Variants in PHF24 observed in about 807,000 individuals in gnomAD.
The protein encoded by PHF24 is Galpha inhibitory interacting protein.
Under a neutral mutation model 42.6 loss-of-function variants are expected in PHF24, and 25 were observed. The observed-to-expected ratio is 0.59, with a 90% CI of 0.43 to 0.82. The LOEUF is 0.82. PHF24 is among the 40% of genes least tolerant of loss of function. PHF24 has a pLI of 0.00. For synonymous variants in PHF24, 185 were observed against 204.8 expected, an observed-to-expected ratio of 0.90 and a Z score of 0.83; for missense variants, 470 against 538.1, an observed-to-expected ratio of 0.87 and a Z score of 1.25.
At chr9:34,728,805 A>G in the PHF24 span, among the ~76,000 whole-genome samples, 2 of 152,146 alleles carry the variant, frequency 1.3e-5, no homozygotes, top group Non-Finnish European at 2.9e-5. Context: ...TGCCTATTCC[A>G]CCTTTTTACC....
chr9:34,945,407 A>G, the PHF24 span, among the ~76,000 whole-genome samples: 1 of 152,242 alleles, frequency 6.6e-6, no homozygotes, highest in Non-Finnish European at 1.5e-5. Flanking sequence ...GAAGGCTGGG[A>G]GAGCTATCAG....
At chr9:34,724,442 A>C in the PHF24 span, 12 of 1,551,382 alleles carry the variant, frequency 7.7e-6, no homozygotes, top group Non-Finnish European at 9.6e-6. Context: ...TTGGTGGTTT[A>C]GACTTTCAAG....
chr9:34,707,130 G>T, the PHF24 span, among the ~76,000 whole-genome samples: 1 of 152,240 alleles, frequency 6.6e-6, no homozygotes, highest in Non-Finnish European at 1.5e-5. Flanking sequence ...TTCTGTCTGT[G>T]ATGGGGCAAG....
the PHF24 span, among the ~76,000 whole-genome samples, chr9:34,930,054 G>T: frequency 1.3e-5 from 2 of 152,014 alleles, no homozygotes; most frequent in African/African-American, 2.4e-5. Context: ...TACTATTTTG[G>T]GGCTTCTCTT....
chr9:34,850,493 A>G, the PHF24 span, among the ~76,000 whole-genome samples: 1 of 152,114 alleles, frequency 6.6e-6, no homozygotes, highest in East Asian at 1.9e-4. Context: ...TATTCTAGTT[A>G]TACATTTGTC....
the PHF24 span, among the ~76,000 whole-genome samples, chr9:34,767,143 G>T: frequency 8.2e-3 from 1,242 of 152,328 alleles, 9 homozygotes; most frequent in Non-Finnish European, 0.011. Context: ...GGCTGCTCGG[G>T]GGTCAGGGGT....
At chr9:34,832,751 T>C in the PHF24 span, 18 of 1,549,914 alleles carry the variant, frequency 1.2e-5, no homozygotes, top group African/African-American at 2.7e-5. Flanking sequence ...ATTGCAAAGT[T>C]TGGCCCTGCA....
At chr9:34,951,058 T>A in the PHF24 span, among the ~76,000 whole-genome samples, 1 of 152,264 alleles carries the variant, frequency 6.6e-6, no homozygotes, top group Non-Finnish European at 1.5e-5. Context: ...AACAATTATA[T>A]GCCTATTATA....
At chr9:34,952,838 C>G (rs1826295050), upstream of PHF24, among the ~76,000 whole-genome samples, 1 of 152,168 alleles carries the variant, frequency 6.6e-6, no homozygotes, top group African/African-American at 2.4e-5. Flanking sequence ...TCATGAACAA[C>G]TGATATCCAA....
the PHF24 span, among the ~76,000 whole-genome samples, chr9:34,733,495 C>CT: frequency 6.7e-6 from 1 of 149,130 alleles, no homozygotes; most frequent in African/African-American, 2.5e-5. Flanking sequence ...TTTATGGCTT[C>CT]TGTGGGTCTT....
At chr9:34,738,674 TGG>T in the PHF24 span, among the ~76,000 whole-genome samples, 1 of 152,296 alleles carries the variant, frequency 6.6e-6, no homozygotes, top group Non-Finnish European at 1.5e-5. Context: ...AGGATGGACA[TGG>T]GACCCAGTTC....
At chr9:34,740,231 G>A in the PHF24 span, among the ~76,000 whole-genome samples, 1 of 152,220 alleles carries the variant, frequency 6.6e-6, no homozygotes, top group Admixed American at 6.5e-5. Flanking sequence ...CCGGCCGTGC[G>A]CCCGCACTCC....
the PHF24 span, among the ~76,000 whole-genome samples, chr9:34,757,911 A>G: frequency 6.6e-6 from 1 of 152,076 alleles, no homozygotes; most frequent in Admixed American, 6.5e-5. Context: ...TTAGGAGAAC[A>G]TGTGTGGTTG....
chr9:34,939,982 C>T, the PHF24 span, among the ~76,000 whole-genome samples: 1 of 152,150 alleles, frequency 6.6e-6, no homozygotes, highest in African/African-American at 2.4e-5. Context: ...TTCCAGCTCC[C>T]TTTCTAGCCT....
At chr9:34,894,403 G>T in the PHF24 span, 1 of 398,506 alleles carries the variant, frequency 2.5e-6, no homozygotes, top group Non-Finnish European at 4.4e-6. Flanking sequence ...TCACAGACCA[G>T]ACTAGCAGCT....
At chr9:34,861,073 T>C in the PHF24 span, among the ~76,000 whole-genome samples, 1 of 152,104 alleles carries the variant, frequency 6.6e-6, no homozygotes, top group African/African-American at 2.4e-5. Context: ...TCAGAGAAGG[T>C]TACCTGAGAG....
the PHF24 span, among the ~76,000 whole-genome samples, chr9:34,823,072 TGTAGTCC>T: frequency 2.0e-5 from 3 of 151,120 alleles, no homozygotes; most frequent in Non-Finnish European, 3.0e-5. Flanking sequence ...GGCGGGCGCC[TGTAGTCC>T]CAGCTACTGG....
At chr9:34,719,061 T>G in the PHF24 span, among the ~76,000 whole-genome samples, 1 of 152,234 alleles carries the variant, frequency 6.6e-6, no homozygotes, top group Non-Finnish European at 1.5e-5. Context: ...AGATGGAGTC[T>G]GCCTCTGTCA....
At chr9:34,931,400 G>T in the PHF24 span, among the ~76,000 whole-genome samples, 4 of 125,570 alleles carry the variant, frequency 3.2e-5, no homozygotes, top group Non-Finnish European at 7.0e-5. Flanking sequence ...AAAAAGAATG[G>T]TATAATGAAC....
Sources: allele counts gnomAD v4.1 joint callset (sites outside exome capture counted in the v4.1 genomes callset), GRCh38; gene constraint gnomAD v4.1.1; transcripts MANE v1.5; gene names NCBI Gene and HGNC (gene_info 2026-07-23, HGNC 2026-07-21).